The following LMTK2 variants were observed in gnomAD, a reference collection of about 807,000 sequenced individuals.
The protein encoded by LMTK2 is lemur tail kinase 2.
A neutral mutation model predicts 127.5 loss-of-function variants in LMTK2; 37 were observed. The observed-to-expected ratio is 0.29, with a 90% CI of 0.22 to 0.38. The LOEUF (loss-of-function observed/expected upper bound fraction) is 0.38, where lower values mean the gene tolerates loss of function less well. LMTK2 is among the 10% of genes least tolerant of loss of function. The pLI is 1.00. For missense variants in LMTK2, 1,694 were observed against 1,920.3 expected (o/e 0.88, Z 2.20); for synonymous variants, 819 against 810.1 (o/e 1.01, Z -0.19).
At chr7:98,168,620 A>G (rs1562912372) in intron 6 of LMTK2, among the ~76,000 whole-genome samples, 1 of 152,226 alleles carries the variant, frequency 6.6e-6, no homozygotes, top group Non-Finnish European at 1.5e-5. Flanking sequence ...ACTGAAATTA[A>G]TTAATTGCTC....
intron 2 of LMTK2, 50 bp from the exon 3 acceptor site, chr7:98,141,347 A>G (rs780066727): frequency 3.9e-6 from 6 of 1,552,188 alleles, no homozygotes; most frequent in South Asian, 3.4e-5. Flanking sequence ...ATATGTTCCT[A>G]TTTTAAATGT....
At position 98,203,803 on chromosome 7, in the gene LMTK2, C is replaced by T. The variant is rs143336209; in HGVS notation, c.4240+97C>T. On this transcript the variant is annotated intron_variant, in intron 12 of 13. Coordinates refer to ENST00000297293, the MANE Select transcript of LMTK2 (RefSeq NM_014916.4). Reference sequence around the variant, plus strand: ...CTTCCCATGTTGCTTTAATGACGCCCCCTGACATGGGCACAGAACTGCCAT... The same window carrying T: ...CTTCCCATGTTGCTTTAATGACGCCTCCTGACATGGGCACAGAACTGCCAT... 21 of 1,575,230 alleles carry T rather than the reference C, an allele frequency of 1.3e-5. No individual in the cohort carries two copies. In the African/African-American group the frequency reaches 1.8e-4, roughly 13 times the overall value.
chr7:98,207,914 C>A lies in LMTK2; in HGVS notation c.*2422C>A, dbSNP rs1188824391. 1 of 145,340 alleles carries A rather than the reference C, an allele frequency of 6.9e-6. No homozygotes were observed. 9.0% of individuals were successfully genotyped at this position (145,340 alleles called of 1,614,324 possible). A position where few individuals can be genotyped will look rare whatever the true frequency, so the allele number is the denominator to read the frequency against. ...GACCAGCCTGGGCAACATGGCGAAA[C>A]CTCGTCTCTACTAAAAATACAAAAT... is the stretch of plus-strand genomic sequence containing the variant. On this transcript the variant is annotated 3_prime_UTR_variant, in exon 14 of 14. Transcript: ENST00000297293.
rs1797599712 is a variant in LMTK2, at chr7:98,194,684, G to T, written c.4107+112G>T. On this transcript the variant is annotated intron_variant, in intron 11 of 13. Coordinates refer to ENST00000297293, the MANE Select transcript of LMTK2 (RefSeq NM_014916.4). This position sits in a 1 kb window ranked among gnomAD's most constrained non-coding sequence, Gnocchi z 5.4. ...AGTTGCCATTTTGAGGCAGCAGATT[G>T]TGATTACTCACAAAAAGTAATTTGG... 1 of 986,670 alleles carries T rather than the reference G, an allele frequency of 1.0e-6. No individual in the cohort carries two copies. Among genetic ancestry groups the T allele is most frequent in the African/African-American group, 1.6e-5 (1 of 61,154 alleles). The allele number at this position is 986,670 out of a possible 1,614,324, so 61.1% of individuals were successfully genotyped here. A position where few individuals can be genotyped will look rare whatever the true frequency, so the allele number is the denominator to read the frequency against.
At position 98,171,684 on chromosome 7, in the gene LMTK2, T is replaced by TG; in HGVS notation, c.791+11dup. 6.4e-7 allele frequency: 1 copy of TG among 1,566,112 alleles called. No homozygotes were observed. The highest frequency in any genetic ancestry group is 8.6e-7 in the Non-Finnish European group (1 of 1,158,146). ...TGCACTTCCTGCACAGGTGGGTACC[T>TG]GCGTCAGCGGTGCACGCCCCACACA... On this transcript the variant is annotated intron_variant, in intron 7 of 13. Transcript: ENST00000297293. This position sits in a 1 kb window ranked among gnomAD's most constrained non-coding sequence, Gnocchi z 5.1.
At chr7:98,137,520 T>C in intron 2 of LMTK2, 78 bp downstream of exon 2, 1 of 1,397,166 alleles carries the variant, frequency 7.2e-7, no homozygotes, top group Non-Finnish European at 9.7e-7. Flanking sequence ...GCACAGTCCT[T>C]TGGGAACAGG....
chr7:98,191,590 G>T, intron 10 of LMTK2, 24 bp from the exon 11 acceptor site: 1 of 1,525,350 alleles, frequency 6.6e-7, no homozygotes. Flanking sequence ...TGGTTCCACT[G>T]ATTGCTTGTC....
Position 98,151,365 on chromosome 7 carries a change from T to C in LMTK2, c.377-17T>C. On this transcript the variant is annotated splice_polypyrimidine_tract_variant and intron_variant, in intron 3 of 13. Transcript: ENST00000297293. ...TTAGATACTTATATTTCATTTTTAA[T>C]GTTTTTTTCTCTACAGAGGGATTGA... 6.4e-7 allele frequency: 1 copy of C among 1,563,528 alleles called. No individual in the cohort carries two copies. Among genetic ancestry groups the C allele is most frequent in the East Asian group, 2.2e-5 (1 of 44,544 alleles).
chr7:98,190,594 A>G (rs980545716), intron 9 of LMTK2, 134 bp from the exon 10 acceptor site: 1 of 881,806 alleles, frequency 1.1e-6, no homozygotes, highest in African/African-American at 1.7e-5. Context: ...CAACAACAAC[A>G]ACAACAAAGA....
chr7:98,208,720 T>A lies in LMTK2; in HGVS notation c.*3228T>A, dbSNP rs115430492. The A allele has an allele frequency of 1.3e-5, 2 of 152,364 alleles. No homozygotes were observed. The highest frequency in any genetic ancestry group is 6.5e-5 in the Admixed American group (1 of 15,306). The allele number at this position is 152,364 out of a possible 1,614,324, so 9.4% of individuals were successfully genotyped here. ...AGAAAAAGTGCTCCCCACATCCTTC[T>A]GAGACTTGGCCTGTGTGTGTGGACG... On this transcript the variant is annotated 3_prime_UTR_variant, in exon 14 of 14. Coordinates refer to ENST00000297293, the MANE Select transcript of LMTK2 (RefSeq NM_014916.4).
chr7:98,192,788 G>GA lies in LMTK2; in HGVS notation c.2327dup (p.Asn776LysfsTer2). The GA allele has an allele frequency of 6.2e-7, 1 of 1,613,850 alleles. No individual in the cohort carries two copies. The highest frequency in any genetic ancestry group is 8.5e-7 in the Non-Finnish European group (1 of 1,179,842). On this transcript the variant is annotated frameshift_variant, in exon 11 of 14. Coordinates refer to ENST00000297293, the MANE Select transcript of LMTK2 (RefSeq NM_014916.4). LOFTEE classifies it high-confidence loss of function. ...TTTAGATACTGAGCTTCAGTTTGCTGAAAATAAGCCAGGCTTGTCTTTGTT... is the reference window on the plus strand; with the variant it reads ...TTTAGATACTGAGCTTCAGTTTGCTGAAAAATAAGCCAGGCTTGTCTTTGTT...
intron 1 of LMTK2, among the ~76,000 whole-genome samples, chr7:98,132,003 T>C (rs561762159): frequency 2.0e-5 from 3 of 152,086 alleles, no homozygotes; most frequent in Non-Finnish European, 4.4e-5. Context: ...ACAGAAACTA[T>C]AAAAGATGAG....
intron 3 of LMTK2, among the ~76,000 whole-genome samples, 171 bp downstream of exon 3, chr7:98,141,712 A>G (rs1043975336): frequency 2.6e-5 from 4 of 152,166 alleles, no homozygotes; most frequent in Non-Finnish European, 4.4e-5. Context: ...TATTCCTGCA[A>G]TAGCTTTGTC....
intron 5 of LMTK2, among the ~76,000 whole-genome samples, chr7:98,158,399 C>T (rs763545802): frequency 6.6e-6 from 1 of 152,150 alleles, no homozygotes; most frequent in East Asian, 1.9e-4. Flanking sequence ...CTCAGCTTCC[C>T]GAGGAGCTGG....
Position 98,107,102 on chromosome 7 carries a change from G to A in LMTK2, c.-76G>A. On this transcript the variant is annotated 5_prime_UTR_variant, in exon 1 of 14. Coordinates refer to ENST00000297293, the MANE Select transcript of LMTK2 (RefSeq NM_014916.4). The stretch of plus-strand genomic sequence containing the variant: ...CCACTGAGGCAGCGGAGGGAGGCAG[G>A]ATCGACTGACGGGCGAACGGACGGA... 14 of 1,169,894 alleles carry A rather than the reference G, an allele frequency of 1.2e-5. No individual in the cohort carries two copies. The South Asian group carries it at 2.6e-4, about 22-fold the overall frequency. The allele number at this position is 1,169,894 out of a possible 1,614,324, so 72.5% of individuals were successfully genotyped here. A position where few individuals can be genotyped will look rare whatever the true frequency, so the allele number is the denominator to read the frequency against.
intron 11 of LMTK2, among the ~76,000 whole-genome samples, chr7:98,197,321 T>A (rs974354666): frequency 6.6e-6 from 1 of 152,134 alleles, no homozygotes; most frequent in Non-Finnish European, 1.5e-5. Context: ...CCCCAGTGAG[T>A]AGCAGTGCTA....
chr7:98,154,148 C>A (rs943351128), intron 4 of LMTK2, among the ~76,000 whole-genome samples: 1 of 152,150 alleles, frequency 6.6e-6, no homozygotes, highest in African/African-American at 2.4e-5. Context: ...TTATATTTAG[C>A]ATTTCCCTTG....
At chr7:98,128,062 T>C (rs576796738) in intron 1 of LMTK2, among the ~76,000 whole-genome samples, 2 of 152,280 alleles carry the variant, frequency 1.3e-5, no homozygotes, top group Non-Finnish European at 2.9e-5. Flanking sequence ...GAGAATCGCT[T>C]GAACCCGGGA....
At position 98,171,819 on chromosome 7, in the gene LMTK2, C is replaced by T. The variant is rs1797197179; in HGVS notation, c.791+145C>T. On this transcript the variant is annotated intron_variant, in intron 7 of 13. Coordinates refer to ENST00000297293, the MANE Select transcript of LMTK2 (RefSeq NM_014916.4). The surrounding 1 kb of genome is among the most constrained non-coding windows in gnomAD (Gnocchi z 5.1). Reference sequence around the variant, plus strand: ...AGGTAGAAGCGATCTCGTTCTTACCCATGTCCGGATAAGGGTTGAGTTGGG... The same window carrying T: ...AGGTAGAAGCGATCTCGTTCTTACCTATGTCCGGATAAGGGTTGAGTTGGG... The T allele has an allele frequency of 4.5e-6, 4 of 886,456 alleles. No homozygotes were observed. The East Asian group carries it at 8.5e-5, about 19-fold the overall frequency. The allele number at this position is 886,456 out of a possible 1,614,324, so 54.9% of individuals were successfully genotyped here.
Sources: gnomAD v4.1 joint callset for allele counts (sites outside exome capture counted in the v4.1 genomes callset) on GRCh38, gnomAD v4.1.1 for gene constraint, Gnocchi (gnomAD v3.1) non-coding constraint, MANE v1.5 for transcripts, NCBI Gene and HGNC (gene_info 2026-07-23, HGNC 2026-07-21) for gene names.